The following PTPRN2 variants were observed in gnomAD, a reference collection of about 807,000 sequenced individuals.
PTPRN2 encodes the protein receptor-type tyrosine-protein phosphatase N2.
A neutral mutation model predicts 118.8 loss-of-function variants in PTPRN2; 74 were observed. That is an observed-to-expected ratio of 0.62 (90% confidence interval 0.52 to 0.76). The LOEUF (loss-of-function observed/expected upper bound fraction) is 0.76, where lower values mean the gene tolerates loss of function less well. Ranked by LOEUF, PTPRN2 falls within the 30% of genes least tolerant of loss-of-function variation. PTPRN2 has a pLI of 0.00. For synonymous variants in PTPRN2, 641 were observed against 608.0 expected (o/e 1.05, Z -0.80); for missense variants, 1,481 against 1,394.4 (o/e 1.06, Z -0.99).
At chr7:158,462,076 A>ACC (rs1554509809) in intron 2 of PTPRN2, among the ~76,000 whole-genome samples, 1 of 16,484 alleles carries the variant, frequency 6.1e-5, no homozygotes, top group South Asian at 1.9e-3. Flanking sequence ...GCTTCCGCCC[A>ACC]CGCCCTGTGC....
intron 11 of PTPRN2, among the ~76,000 whole-genome samples, chr7:158,038,650 T>C (rs913994091): frequency 3.3e-5 from 5 of 150,048 alleles, no homozygotes; most frequent in African/African-American, 1.2e-4. Context: ...ATATAACACA[T>C]ATAGCATTTC....
intron 12 of PTPRN2, among the ~76,000 whole-genome samples, chr7:157,838,923 G>A (rs1342124179): frequency 7.5e-6 from 1 of 133,272 alleles, no homozygotes; most frequent in Non-Finnish European, 1.5e-5. Context: ...TGGATGGCAC[G>A]GGAGAAAGCT....
intron 11 of PTPRN2, among the ~76,000 whole-genome samples, chr7:157,905,066 G>T (rs754128714): frequency 1.3e-5 from 2 of 152,180 alleles, no homozygotes; most frequent in Non-Finnish European, 2.9e-5. Context: ...ATTGTGACAG[G>T]TGCTGAGCTC....
chr7:158,258,677 G>A (rs1230935417), intron 3 of PTPRN2, among the ~76,000 whole-genome samples: 1 of 152,196 alleles, frequency 6.6e-6, no homozygotes, highest in African/African-American at 2.4e-5. Context: ...CCTGGAAGGT[G>A]GATTCTCTTG....
chr7:158,114,026 AGT>A, intron 9 of PTPRN2, among the ~76,000 whole-genome samples: 1 of 152,204 alleles, frequency 6.6e-6, no homozygotes, highest in East Asian at 1.9e-4. Context: ...CTGCCCAGCC[AGT>A]GTGGCTGCAA....
chr7:158,101,835 C>G (rs1480650372), intron 10 of PTPRN2, among the ~76,000 whole-genome samples: 7 of 152,204 alleles, frequency 4.6e-5, no homozygotes, highest in Non-Finnish European at 1.0e-4. Context: ...ATGTGGCCAA[C>G]CACTCCTCCC....
intron 2 of PTPRN2, among the ~76,000 whole-genome samples, chr7:158,447,747 G>T (rs977734526): frequency 1.3e-5 from 2 of 152,256 alleles, no homozygotes; most frequent in Non-Finnish European, 2.9e-5. Flanking sequence ...GAAGACGAAG[G>T]CTGCCCCGTA....
chr7:158,076,163 T>C (rs1346873651), intron 11 of PTPRN2, among the ~76,000 whole-genome samples: 1 of 152,254 alleles, frequency 6.6e-6, no homozygotes, highest in Non-Finnish European at 1.5e-5. Flanking sequence ...TCCTCCTTCA[T>C]TTCTAATAAG....
At chr7:158,404,139 A>T (rs541104476) in intron 2 of PTPRN2, among the ~76,000 whole-genome samples, 1 of 152,312 alleles carries the variant, frequency 6.6e-6, no homozygotes, top group African/African-American at 2.4e-5. Context: ...GATCAACTTT[A>T]CAAACATCGC....
chr7:157,613,082 A>T (rs889569541), intron 15 of PTPRN2, among the ~76,000 whole-genome samples: 3 of 150,892 alleles, frequency 2.0e-5, no homozygotes, highest in African/African-American at 7.3e-5. Flanking sequence ...GCGGCTGAAC[A>T]GGGCAGCGCC....
chr7:157,960,696 G>GAAAAAC (rs958043535), intron 11 of PTPRN2, among the ~76,000 whole-genome samples: 6 of 152,294 alleles, frequency 3.9e-5, no homozygotes, highest in South Asian at 4.2e-4. Context: ...AATGATAAAT[G>GAAAAAC]AAAAACAAAA....
intron 2 of PTPRN2, among the ~76,000 whole-genome samples, chr7:158,341,432 C>T (rs1806757085): frequency 6.6e-6 from 1 of 150,380 alleles, no homozygotes; most frequent in South Asian, 2.1e-4. Context: ...CACACCCACA[C>T]TCTCACCATA....
chr7:157,615,815 C>A lies in PTPRN2; in HGVS notation c.2344+5547G>T. On this transcript the variant is annotated intron_variant, in intron 15 of 22. Transcript: ENST00000389418. This position sits in a 1 kb window ranked among gnomAD's most constrained non-coding sequence, Gnocchi z 4.3. ...TTCTCCTGTTAAACTTGACTGTCAC[C>A]AACGGGGGGTGGGGGGTGCGCGAGG... 1 of 358,224 alleles carries A rather than the reference C, an allele frequency of 2.8e-6. No homozygotes were observed. The highest frequency in any genetic ancestry group is 5.5e-6 in the Non-Finnish European group (1 of 180,268). The allele number at this position is 358,224 out of a possible 1,614,324, so 22.2% of individuals were successfully genotyped here.
At chr7:157,866,742 C>T (rs895143797) in intron 12 of PTPRN2, among the ~76,000 whole-genome samples, 6 of 151,998 alleles carry the variant, frequency 3.9e-5, no homozygotes, top group African/African-American at 7.2e-5. Context: ...GCCTGTGCCC[C>T]GAGATGCACG....
intron 3 of PTPRN2, among the ~76,000 whole-genome samples, chr7:158,269,474 T>A (rs1341336173): frequency 6.6e-6 from 1 of 152,216 alleles, no homozygotes; most frequent in African/African-American, 2.4e-5. Context: ...CTGTCTTTGC[T>A]TCCCAGACAC....
intron 12 of PTPRN2, among the ~76,000 whole-genome samples, chr7:157,713,228 C>CCTG (rs34487142): frequency 0.86 from 131,152 of 151,934 alleles, 56,987 homozygotes; most frequent in African/African-American, 0.96. Flanking sequence ...CCCTCCTCCT[C>CCTG]CTAGCACTGC....
At chr7:158,228,092 T>C (rs1448452056) in intron 3 of PTPRN2, among the ~76,000 whole-genome samples, 1 of 152,222 alleles carries the variant, frequency 6.6e-6, no homozygotes, top group Non-Finnish European at 1.5e-5. Flanking sequence ...GTTGGTGATA[T>C]TTTATGTCTC....
At chr7:157,841,398 G>A (rs10249129) in intron 12 of PTPRN2, among the ~76,000 whole-genome samples, 11,297 of 152,212 alleles carry the variant, frequency 0.074, 676 homozygotes, top group East Asian at 0.22. Flanking sequence ...TTTTCCTGAT[G>A]GTTTTTCAAA....
intron 1 of PTPRN2, among the ~76,000 whole-genome samples, chr7:158,549,588 G>A (rs1173283103): frequency 1.3e-5 from 2 of 152,280 alleles, no homozygotes; most frequent in Non-Finnish European, 2.9e-5. Context: ...GGCTTCGCCT[G>A]AGCGCTCGCT....
Sources: allele counts gnomAD v4.1 joint callset (sites outside exome capture counted in the v4.1 genomes callset), GRCh38; gene constraint gnomAD v4.1.1; non-coding constraint Gnocchi (gnomAD v3.1); transcripts MANE v1.5; gene names NCBI Gene and HGNC (gene_info 2026-07-23, HGNC 2026-07-21).